The following KNL1 variants were observed in gnomAD, a reference collection of about 807,000 sequenced individuals.
KNL1 encodes kinetochore scaffold 1.
A neutral mutation model predicts 201.3 loss-of-function variants in KNL1; 66 were observed. The ratio of observed to expected loss-of-function variants is 0.33; its 90% CI spans 0.27 to 0.40. KNL1 has a LOEUF of 0.40. Among genes scored for constraint, KNL1 ranks in the 10% least tolerant of loss-of-function variants. KNL1 has a pLI of 1.00. For synonymous variants in KNL1, 895 were observed against 899.2 expected (o/e 1.00, Z 0.08); for missense variants, 2,815 against 2,690.5 (o/e 1.05, Z -1.02).
In KNL1 at chr15:40,620,902, T is replaced by C. The variant is rs766179533; in HGVS notation, c.638T>C (p.Ile213Thr). The C allele has an allele frequency of 5.6e-6, 9 of 1,598,482 alleles. No homozygotes were observed. Among genetic ancestry groups the C allele is most frequent in the African/African-American group, 1.4e-5 (1 of 73,582 alleles). ...CAAAACACTTCTTCAGAAAATAAAA[T>C]AGATTTCAATGACTTCATAAAAAGA... The part of the protein sequence containing the change: ...VDQNTSSENK[I>T]DFNDFIKRLK... Residue 213 changes from isoleucine to threonine, a missense_variant, in exon 10 of 26, where the codon ATA becomes ACA. Ile to Thr is a moderately conservative substitution (Grantham distance 89). Transcript: ENST00000399668.
Position 40,628,177 on chromosome 15 carries a change from C to T in KNL1, c.5484C>T (p.Ile1828=). Residue 1828 remains isoleucine, a synonymous_variant, in exon 11 of 26, where the codon ATC becomes ATT. Coordinates refer to ENST00000399668, the MANE Select transcript of KNL1 (RefSeq NM_144508.5). ...PSSCSSSLDS[I]KADGTSLDFS... Reference sequence around the variant, plus strand: ...GTTGCAGCAGCTCTCTGGATTCAATCAAGGCTGATGGGACCTCTCTGGACT... The same window carrying T: ...GTTGCAGCAGCTCTCTGGATTCAATTAAGGCTGATGGGACCTCTCTGGACT... 1 of 1,612,078 alleles carries T rather than the reference C, an allele frequency of 6.2e-7. No individual in the cohort carries two copies. Among genetic ancestry groups the T allele is most frequent in the Non-Finnish European group, 8.5e-7 (1 of 1,179,264 alleles).
rs757628092 is a variant in KNL1, at chr15:40,622,054, G to A, written c.1790G>A (p.Ser597Asn). The change falls in exon 10 of 26, where the codon AGT (serine) becomes AAT (asparagine). Residue 597 changes from serine to asparagine, a missense_variant. Transcript: ENST00000399668. ...PLAAYNLAPE[S>N]TSESHSQSKS... ...GCAGCTTATAATCTAGCACCGGAGA[G>A]TACCAGTGAATCTCACTCTCAGAGC... 6.2e-7 allele frequency: 1 copy of A among 1,613,990 alleles called. No individual in the cohort carries two copies. The highest frequency in any genetic ancestry group is 1.3e-5 in the African/African-American group (1 of 75,046).
rs1893205612 is a variant in KNL1, at chr15:40,640,844, G to T, written c.5683-68G>T. 4.3e-6 allele frequency: 4 copies of T among 925,298 alleles called. No individual in the cohort carries two copies. In the African/African-American group the frequency reaches 6.7e-5, roughly 16 times the overall value. 57.3% of individuals were successfully genotyped at this position (925,298 alleles called of 1,614,324 possible). A position where few individuals can be genotyped will look rare whatever the true frequency, so the allele number is the denominator to read the frequency against. ...TTTTAAAATAGGCACTCTGAAATTT[G>T]AGTTAATTCTTATATATGGTTTTGT... On this transcript the variant is annotated intron_variant, in intron 13 of 25. Transcript: ENST00000399668.
At chr15:40,636,666 C>CA (rs1299622390) in intron 13 of KNL1, among the ~76,000 whole-genome samples, 2 of 151,886 alleles carry the variant, frequency 1.3e-5, no homozygotes, top group Admixed American at 1.3e-4. Flanking sequence ...CCCCCTCTAC[C>CA]AAAAAAATAC....
At chr15:40,616,586 A>G (rs1362881923) in intron 8 of KNL1, among the ~76,000 whole-genome samples, 3 of 152,180 alleles carry the variant, frequency 2.0e-5, no homozygotes, top group Admixed American at 2.0e-4. Flanking sequence ...TTTGTCTCCT[A>G]AATGTCTTGA....
chr15:40,655,616 TA>T (rs1419124699), intron 22 of KNL1, among the ~76,000 whole-genome samples: 1 of 139,222 alleles, frequency 7.2e-6, no homozygotes, highest in Non-Finnish European at 1.6e-5. Flanking sequence ...AAAAAAGATT[TA>T]AAAAAAATTA....
At chr15:40,620,233 A>T (rs1339187858) in intron 9 of KNL1, among the ~76,000 whole-genome samples, 9 of 136,050 alleles carry the variant, frequency 6.6e-5, no homozygotes, top group African/African-American at 2.3e-4. Context: ...TTTTTTTTTG[A>T]GACAGAGTCT....
intron 13 of KNL1, among the ~76,000 whole-genome samples, chr15:40,633,697 C>T (rs2141737305): frequency 6.6e-6 from 1 of 152,170 alleles, no homozygotes; most frequent in South Asian, 2.1e-4. Flanking sequence ...CAAGCCACCA[C>T]ACCTGGCTAA....
rs758954711 is a variant in KNL1 at position 40,606,466 on chromosome 15, G to A, written c.135+14G>A. ...GAAAGAGTTCAGGTAAGTCTTTTGT[G>A]CAAATACTTTATAGATGACTATTTT... On this transcript the variant is annotated intron_variant, in intron 4 of 25. Transcript: ENST00000399668. 2.8e-5 allele frequency: 39 copies of A among 1,412,652 alleles called. No individual in the cohort carries two copies. In the Middle Eastern group the frequency reaches 7.3e-4, roughly 27 times the overall value. 87.5% of individuals were successfully genotyped at this position (1,412,652 alleles called of 1,614,324 possible). A position where few individuals can be genotyped will look rare whatever the true frequency, so the allele number is the denominator to read the frequency against.
intron 19 of KNL1, 122 bp downstream of exon 19, chr15:40,650,705 C>A: frequency 1.2e-6 from 1 of 817,116 alleles, no homozygotes; most frequent in Non-Finnish European, 1.8e-6. Context: ...TGACTCAGGG[C>A]TTCTCCACTT....
intron 2 of KNL1, among the ~76,000 whole-genome samples, chr15:40,603,619 T>G (rs752018445): frequency 1.3e-5 from 2 of 152,174 alleles, no homozygotes; most frequent in African/African-American, 2.4e-5. Flanking sequence ...AATAAATTTT[T>G]TTAAATGGAG....
rs1266284480 is a variant in KNL1, at chr15:40,623,397, A to T, written c.3133A>T (p.Ile1045Phe). Residue 1045 changes from isoleucine (I) to phenylalanine (F), a missense_variant, in exon 10 of 26, where the codon ATC becomes TTC. This residue lies in a region of KNL1 where 2,464 missense variants were observed against 2,291.7 expected (regional missense o/e 1.08). Coordinates refer to ENST00000399668, the MANE Select transcript of KNL1 (RefSeq NM_144508.5). ...ELSKSATCKN[I>F]KDVQSPGFLN... ...GTCTAAATCAGCCACTTGCAAAAAC[A>T]TCAAAGATGTACAAAGTCCTGGATT... 3 of 1,613,928 alleles carry T rather than the reference A, an allele frequency of 1.9e-6. No individual in the cohort carries two copies. The Admixed American group carries it at 5.0e-5, about 27-fold the overall frequency.
chr15:40,612,045 C>T (rs927511388), intron 7 of KNL1, among the ~76,000 whole-genome samples: 1 of 152,006 alleles, frequency 6.6e-6, no homozygotes, highest in Non-Finnish European at 1.5e-5. Context: ...TGGCCGGGCA[C>T]AGTGGCTTAC....
Position 40,606,425 on chromosome 15 carries a change from C to A in KNL1, c.108C>A (p.Asp36Glu), listed in dbSNP as rs199716895. The A allele has an allele frequency of 3.6e-5, 57 of 1,579,444 alleles. No individual in the cohort carries two copies. The Middle Eastern group carries it at 8.5e-4, about 24-fold the overall frequency. The change falls in exon 4 of 26, where the codon GAC (aspartate) becomes GAA (glutamate). Residue 36 changes from aspartate (D) to glutamate (E), a missense_variant. By Grantham distance (45) the Asp-to-Glu change is conservative (BLOSUM62 2). Transcript: ENST00000399668. ...AACCCCCAAGGAGTCCTCTTCAGGA[C>A]CTCAGAGGTGGGAATGAAAGAGTTC... ...ILKPPRSPLQ[D>E]LRGGNERVQE...
chr15:40,644,654 A>G lies in KNL1; in HGVS notation c.5799-343A>G, dbSNP rs575285580. On this transcript the variant is annotated intron_variant, in intron 14 of 25. Coordinates refer to ENST00000399668, the MANE Select transcript of KNL1 (RefSeq NM_144508.5). ...AGGTCCCTGCGGCTTTCCGCAGTGCATTGTGCCCCTGGTTTATTGAGACTA... is the reference window on the plus strand; with the variant it reads ...AGGTCCCTGCGGCTTTCCGCAGTGCGTTGTGCCCCTGGTTTATTGAGACTA... Among the ~76,000 whole-genome samples, 299 of 152,342 alleles carry G rather than the reference A, an allele frequency of 2.0e-3. 1 individual carries two copies. The highest frequency in any genetic ancestry group is 9.4e-4 in the Non-Finnish European group (64 of 68,036).
At position 40,663,925 on chromosome 15, in the gene KNL1, GAC is replaced by G. The variant is rs1893983207; in HGVS notation, c.*1741_*1742del. The G allele has an allele frequency of 5.2e-6, 1 of 191,046 alleles. No individual in the cohort carries two copies. 11.8% of individuals were successfully genotyped at this position (191,046 alleles called of 1,614,324 possible). A position where few individuals can be genotyped will look rare whatever the true frequency, so the allele number is the denominator to read the frequency against. On this transcript the variant is annotated 3_prime_UTR_variant, in exon 26 of 26. Transcript: ENST00000399668. ...TTTACTTCTGAGCTATACGTCAAAA[GAC>G]ACATAAGCTTCAAAAGTCAAGACAA...
intron 16 of KNL1, 21 bp from the exon 17 acceptor site, chr15:40,646,966 T>C: frequency 9.8e-7 from 1 of 1,017,710 alleles, no homozygotes; most frequent in Non-Finnish European, 1.6e-6. Context: ...AACTTGACAG[T>C]CTATAATCTT....
At chr15:40,602,480 CTTTTTT>C (rs34192317) in intron 1 of KNL1, among the ~76,000 whole-genome samples, 2 of 79,148 alleles carry the variant, frequency 2.5e-5, no homozygotes, top group Admixed American at 3.5e-4. Context: ...TTTTTCCTTC[CTTTTTT>C]TTTTTTTTTT....
rs1226693336 is a variant in KNL1 at position 40,622,471 on chromosome 15, T to C, written c.2207T>C (p.Leu736Pro). The part of the protein sequence containing the change: ...LGQNSKLAEP[L>P]RKSLSNPTPD... The stretch of plus-strand genomic sequence containing the variant: ...CAGAATTCTAAACTGGCTGAGCCAC[T>C]GAGGAAAAGTTTAAGCAATCCCACA... The change falls in exon 10 of 26, where the codon CTG (leucine) becomes CCG (proline). Residue 736 changes from leucine to proline, a missense_variant. By Grantham distance (98) the Leu-to-Pro change is moderately conservative. Around this residue, in one of 3 missense-constraint regions of KNL1, gnomAD observed 2,464 missense variants for 2,291.7 expected, o/e 1.08. Coordinates refer to ENST00000399668, the MANE Select transcript of KNL1 (RefSeq NM_144508.5). 6.2e-7 allele frequency: 1 copy of C among 1,613,850 alleles called. No individual in the cohort carries two copies. Among genetic ancestry groups the C allele is most frequent in the Non-Finnish European group, 8.5e-7 (1 of 1,179,936 alleles).
Sources: gnomAD v4.1 joint callset for allele counts (sites outside exome capture counted in the v4.1 genomes callset) on GRCh38, gnomAD v4.1.1 for gene constraint, gnomAD v4.1.1 regional missense constraint, MANE v1.5 for transcripts, NCBI Gene and HGNC (gene_info 2026-07-23, HGNC 2026-07-21) for gene names.